RPA2: variants seen among roughly 807,000 people sequenced by gnomAD.
RPA2 encodes the protein replication protein A 32 kDa subunit.
Under a neutral mutation model 33.4 loss-of-function variants are expected in RPA2, and 22 were observed. The ratio of observed to expected loss-of-function variants is 0.66; its 90% CI spans 0.47 to 0.94. The LOEUF is 0.94. Among genes scored for constraint, RPA2 ranks in the 40% least tolerant of loss-of-function variants. RPA2 has a pLI of 0.00. For missense variants in RPA2, 279 were observed against 329.9 expected, an observed-to-expected ratio of 0.85 and a Z score of 1.19; for synonymous variants, 109 against 114.9, an observed-to-expected ratio of 0.95 and a Z score of 0.33.
At chr1:27,908,294 A>G (rs2090055839) in intron 2 of RPA2, among the ~76,000 whole-genome samples, 1 of 151,700 alleles carries the variant, frequency 6.6e-6, no homozygotes, top group Non-Finnish European at 1.5e-5. Flanking sequence ...GTCAATTAAA[A>G]AAACATTTTT....
At chr1:27,899,794 C>A (rs1049331123) in intron 4 of RPA2, among the ~76,000 whole-genome samples, 1 of 152,092 alleles carries the variant, frequency 6.6e-6, no homozygotes, top group Non-Finnish European at 1.5e-5. Flanking sequence ...CATTCTCCTG[C>A]CTCAGCCTCC....
At chr1:27,899,977 G>A (rs893304227) in intron 4 of RPA2, among the ~76,000 whole-genome samples, 1 of 151,968 alleles carries the variant, frequency 6.6e-6, no homozygotes, top group Non-Finnish European at 1.5e-5. Flanking sequence ...ACGGTGCCCG[G>A]CTTTTGTATT....
intron 2 of RPA2, 62 bp from the exon 3 acceptor site, chr1:27,907,344 C>G (rs2090042621): frequency 8.1e-7 from 1 of 1,229,274 alleles, no homozygotes; most frequent in Admixed American, 2.1e-5. Flanking sequence ...CATTCAACAC[C>G]TGCCATGTGC....
Position 27,892,244 on chromosome 1 carries a change from T to C in RPA2, c.732A>G (p.Gln244=), listed in dbSNP as rs761936381. 6.2e-7 allele frequency: 1 copy of C among 1,612,120 alleles called. No homozygotes were observed. Among genetic ancestry groups the C allele is most frequent in the Non-Finnish European group, 8.5e-7 (1 of 1,178,760 alleles). ...LKHMSVSSIK[Q]AVDFLSNEGH... is the part of the protein sequence containing the mutation. ...CCTCATTGCTCAGAAAATCCACAGC[T>C]TGCCTAGAAAGAAAGAAGAAAAAAA... is the stretch of plus-strand genomic sequence containing the variant. Residue 244 remains glutamine (Q), a synonymous_variant, in exon 9 of 9, where the codon CAA becomes CAG. Coordinates refer to ENST00000373912, the MANE Select transcript of RPA2 (RefSeq NM_002946.5).
At chr1:27,895,511 C>T (rs1331016956) in intron 6 of RPA2, among the ~76,000 whole-genome samples, 2 of 151,928 alleles carry the variant, frequency 1.3e-5, no homozygotes, top group Non-Finnish European at 2.9e-5. Flanking sequence ...GTCAGGAGAT[C>T]GAGATCATCC....
chr1:27,900,357 C>T (rs955655862), intron 4 of RPA2, among the ~76,000 whole-genome samples: 1 of 152,258 alleles, frequency 6.6e-6, no homozygotes, highest in African/African-American at 2.4e-5. Context: ...AGTGATCCAC[C>T]TGCCTCAGTC....
chr1:27,895,340 T>C (rs2089876464), intron 6 of RPA2, among the ~76,000 whole-genome samples: 1 of 152,056 alleles, frequency 6.6e-6, no homozygotes, highest in Admixed American at 6.6e-5. Context: ...GAGAATTGCT[T>C]GAACCCGAGA....
chr1:27,914,424 C>G lies in RPA2; in HGVS notation c.10+10G>C. 6.2e-7 allele frequency: 1 copy of G among 1,606,916 alleles called. No homozygotes were observed. The highest frequency in any genetic ancestry group is 1.1e-5 in the South Asian group (1 of 90,114). On this transcript the variant is annotated intron_variant, in intron 1 of 8. Transcript: ENST00000373912. ...TCTCTTCCTCCTCCACCCCGCACCC[C>G]CATCATTACTGTTCCACATCTTGGT...
rs2148661568 is a variant in RPA2 at position 27,909,715 on chromosome 1, A to AG, written c.118-2434dup. Among the ~76,000 whole-genome samples, 3 of 151,826 alleles carry AG rather than the reference A, an allele frequency of 2.0e-5. No individual in the cohort carries two copies. In the South Asian group the frequency reaches 6.3e-4, roughly 32 times the overall value. On this transcript the variant is annotated intron_variant, in intron 2 of 8. Coordinates refer to ENST00000373912, the MANE Select transcript of RPA2 (RefSeq NM_002946.5). ...GGCAACAGAGACTCTCCTCAAAAAG[A>AG]GAAAAAAAAAAAAGAGCGGTCGCTC...
intron 8 of RPA2, among the ~76,000 whole-genome samples, chr1:27,892,944 T>C (rs1053090828): frequency 1.3e-5 from 2 of 152,164 alleles, no homozygotes; most frequent in African/African-American, 4.8e-5. Flanking sequence ...GTTTGTTTGA[T>C]TGGTTTACTA....
chr1:27,911,061 C>T (rs1187947898), intron 2 of RPA2, among the ~76,000 whole-genome samples: 1 of 151,474 alleles, frequency 6.6e-6, no homozygotes, highest in Non-Finnish European at 1.5e-5. Flanking sequence ...ACTGAAAATA[C>T]AAAAATTGGC....
Position 27,914,483 on chromosome 1 carries a change from G to C in RPA2, c.-40C>G, listed in dbSNP as rs1211979370. On this transcript the variant is annotated 5_prime_UTR_variant, in exon 1 of 9. Transcript: ENST00000373912. Reference sequence around the variant, plus strand: ...TCCGCAAAGAGGCCGAGAAGGTGCGGGTCTGGGGGAATAGCGGAAAACCAC... The same window carrying C: ...TCCGCAAAGAGGCCGAGAAGGTGCGCGTCTGGGGGAATAGCGGAAAACCAC... 1.3e-6 allele frequency: 2 copies of C among 1,593,658 alleles called. No individual in the cohort carries two copies. The highest frequency in any genetic ancestry group is 2.3e-5 in the South Asian group (2 of 87,952).
chr1:27,914,725 G>A (rs1557478698), upstream of RPA2: 1 of 1,572,646 alleles, frequency 6.4e-7, no homozygotes, highest in African/African-American at 1.4e-5. Context: ...TCTTTACGAA[G>A]GGCAAAACCC....
intron 2 of RPA2, among the ~76,000 whole-genome samples, chr1:27,913,689 G>A (rs1181033047): frequency 2.0e-5 from 3 of 151,984 alleles, no homozygotes; most frequent in African/African-American, 7.3e-5. Flanking sequence ...GGCCGAGGTG[G>A]GAGGATCGCT....
chr1:27,905,916 C>CGCGCCCGGCGTT (rs1361675205), intron 4 of RPA2, among the ~76,000 whole-genome samples: 85 of 148,438 alleles, frequency 5.7e-4, no homozygotes, highest in East Asian at 9.7e-4. Flanking sequence ...CGTGAGCCAC[C>CGCGCCCGGCGTT]ATGCCAAGCC....
chr1:27,897,742 A>C (rs747543585), intron 4 of RPA2, 35 bp from the exon 5 acceptor site: 2 of 1,469,642 alleles, frequency 1.4e-6, no homozygotes, highest in Non-Finnish European at 1.9e-6. Flanking sequence ...TTAAAGTTTT[A>C]GTGATGCTGG....
intron 4 of RPA2, among the ~76,000 whole-genome samples, chr1:27,898,803 C>T (rs1198243532): frequency 6.6e-5 from 10 of 152,144 alleles, no homozygotes; most frequent in Admixed American, 3.3e-4. Context: ...ATGATCCACC[C>T]GTCGCGGCCT....
At chr1:27,907,878 C>A (rs937600171) in intron 2 of RPA2, among the ~76,000 whole-genome samples, 3 of 152,114 alleles carry the variant, frequency 2.0e-5, no homozygotes, top group African/African-American at 7.2e-5. Flanking sequence ...GACAGAGTTT[C>A]GCTCCTGTTG....
intron 4 of RPA2, 50 bp from the exon 5 acceptor site, chr1:27,897,757 A>C (rs371757535): frequency 6.6e-6 from 9 of 1,358,122 alleles, no homozygotes; most frequent in African/African-American, 1.5e-5. Context: ...TGCTGGTAAA[A>C]GCCTCTTTAA....
Sources: gnomAD v4.1 joint callset for allele counts (sites outside exome capture counted in the v4.1 genomes callset) on GRCh38, gnomAD v4.1.1 for gene constraint, MANE v1.5 for transcripts, NCBI Gene and HGNC (gene_info 2026-07-23, HGNC 2026-07-21) for gene names.